Variants in IDE observed in about 807,000 individuals in gnomAD.
IDE encodes the protein insulin-degrading enzyme.
Under a neutral mutation model 133.2 loss-of-function variants are expected in IDE, and 58 were observed. The observed-to-expected ratio is 0.44, with a 90% CI of 0.35 to 0.54. The LOEUF (loss-of-function observed/expected upper bound fraction) is 0.54, where lower values mean the gene tolerates loss of function less well. Among genes scored for constraint, IDE ranks in the 20% least tolerant of loss-of-function variants. IDE has a pLI of 0.00. For synonymous variants in IDE, 396 were observed against 421.3 expected (o/e 0.94, Z 0.73); for missense variants, 981 against 1,234.0 (o/e 0.79, Z 3.07).
intron 1 of IDE, among the ~76,000 whole-genome samples, chr10:92,538,511 G>C (rs1368138450): frequency 6.6e-6 from 1 of 152,242 alleles, no homozygotes; most frequent in African/African-American, 2.4e-5. Flanking sequence ...ACCTGCTGAA[G>C]AGCTGAATGC....
intron 1 of IDE, 124 bp downstream of exon 1, chr10:92,573,798 G>T: frequency 1.5e-6 from 1 of 684,908 alleles, no homozygotes; most frequent in Non-Finnish European, 2.2e-6. Context: ...CCCCAGGCCG[G>T]CGGGACGGGC....
Position 92,501,885 on chromosome 10 carries a change from G to T in IDE, c.1430+2909C>A, listed in dbSNP as rs146356996. 3.0e-3 allele frequency among the ~76,000 whole-genome samples: 457 copies of T among 152,210 alleles called. 7 individuals are homozygous for T. The highest frequency in any genetic ancestry group is 0.011 in the African/African-American group (444 of 41,532). Reference sequence around the variant, plus strand: ...AGCTACTCAGGAGGCTGAGGTAAGAGAATTGCTTGAACCTGGGAGGCGGAG... The same window carrying T: ...AGCTACTCAGGAGGCTGAGGTAAGATAATTGCTTGAACCTGGGAGGCGGAG... On this transcript the variant is annotated intron_variant, in intron 11 of 24. Coordinates refer to ENST00000265986, the MANE Select transcript of IDE (RefSeq NM_004969.4).
At chr10:92,531,062 C>T (rs553995754) in intron 4 of IDE, among the ~76,000 whole-genome samples, 39 of 152,214 alleles carry the variant, frequency 2.6e-4, no homozygotes, top group African/African-American at 9.2e-4. Context: ...CAATGATTAC[C>T]TCTGGTGAGC....
At chr10:92,466,862 C>T (rs1262730314) in intron 19 of IDE, among the ~76,000 whole-genome samples, 1 of 151,890 alleles carries the variant, frequency 6.6e-6, no homozygotes, top group Non-Finnish European at 1.5e-5. Context: ...AGGTGATCCA[C>T]CCACCTCAGC....
At chr10:92,496,819 T>C (rs1219292960) in intron 11 of IDE, among the ~76,000 whole-genome samples, 1 of 152,018 alleles carries the variant, frequency 6.6e-6, no homozygotes, top group Non-Finnish European at 1.5e-5. Flanking sequence ...AGAAATCACA[T>C]CTCCAAACAC....
At chr10:92,535,410 G>T (rs1841945913) in intron 2 of IDE, among the ~76,000 whole-genome samples, 1 of 152,130 alleles carries the variant, frequency 6.6e-6, no homozygotes, top group Non-Finnish European at 1.5e-5. Flanking sequence ...GCAAGAGCTA[G>T]AATTTTCTTG....
chr10:92,518,047 T>C (rs147423981), intron 4 of IDE, among the ~76,000 whole-genome samples: 40 of 152,100 alleles, frequency 2.6e-4, no homozygotes, highest in Middle Eastern at 3.4e-3. Flanking sequence ...CTTAGGTGCA[T>C]ACCCATAGTC....
chr10:92,549,158 T>A (rs1054517629), intron 1 of IDE, among the ~76,000 whole-genome samples: 1 of 151,974 alleles, frequency 6.6e-6, no homozygotes, highest in African/African-American at 2.4e-5. Context: ...CTCGGGAGGC[T>A]GAGGCACAAG....
chr10:92,556,179 CAAAAAAAAAA>C (rs60008680), intron 1 of IDE, among the ~76,000 whole-genome samples: 3 of 69,210 alleles, frequency 4.3e-5, no homozygotes, highest in African/African-American at 1.2e-4. Flanking sequence ...GACTCCGTCT[CAAAAAAAAAA>C]AAAAAAAAAA....
chr10:92,555,604 T>C (rs991721534), intron 1 of IDE, among the ~76,000 whole-genome samples: 2 of 152,148 alleles, frequency 1.3e-5, no homozygotes, highest in African/African-American at 4.8e-5. Context: ...TAAAAACTTT[T>C]CAGTATGAGA....
intron 1 of IDE, among the ~76,000 whole-genome samples, chr10:92,544,733 C>T (rs1842466050): frequency 6.6e-6 from 1 of 152,154 alleles, no homozygotes; most frequent in African/African-American, 2.4e-5. Flanking sequence ...TTTTTCACTC[C>T]TTCTTCTGCA....
At chr10:92,461,153 CAT>C in intron 22 of IDE, 36 bp downstream of exon 22, 1 of 1,006,130 alleles carries the variant, frequency 9.9e-7, no homozygotes, top group South Asian at 1.3e-5. Context: ...ATAATACTTT[CAT>C]ATCAGTCAAA....
At chr10:92,476,036 C>CA in intron 15 of IDE, 42 bp from the exon 16 acceptor site, 1 of 740,718 alleles carries the variant, frequency 1.4e-6, no homozygotes, top group Non-Finnish European at 2.2e-6. Flanking sequence ...AAAAATATCA[C>CA]AAAACAACTT....
At chr10:92,526,028 A>G (rs946485037) in intron 4 of IDE, among the ~76,000 whole-genome samples, 19 of 151,668 alleles carry the variant, frequency 1.3e-4, no homozygotes, top group African/African-American at 4.4e-4. Context: ...TTGTGGTGCA[A>G]GCCTGTAATC....
chr10:92,520,200 T>C (rs1849147251), intron 4 of IDE, among the ~76,000 whole-genome samples: 1 of 152,144 alleles, frequency 6.6e-6, no homozygotes, highest in South Asian at 2.1e-4. Flanking sequence ...GCCTAAGAAA[T>C]GTAATAATGG....
intron 1 of IDE, among the ~76,000 whole-genome samples, chr10:92,539,880 G>C (rs1022725839): frequency 7.9e-5 from 12 of 152,238 alleles, no homozygotes; most frequent in Admixed American, 5.2e-4. Flanking sequence ...CGGTAAAATA[G>C]TAATAATTCT....
At chr10:92,511,221 C>T (rs547845115) in intron 5 of IDE, among the ~76,000 whole-genome samples, 4 of 151,732 alleles carry the variant, frequency 2.6e-5, no homozygotes, top group African/African-American at 9.7e-5. Context: ...CATGTCTCAG[C>T]CTCCCCAGTA....
chr10:92,537,200 T>G (rs568555612), intron 2 of IDE, among the ~76,000 whole-genome samples, 166 bp downstream of exon 2: 1 of 152,174 alleles, frequency 6.6e-6, no homozygotes, highest in Non-Finnish European at 1.5e-5. Context: ...ATTATTTGAC[T>G]GAAACAACTG....
At chr10:92,463,178 C>T (rs1218469575) in intron 21 of IDE, among the ~76,000 whole-genome samples, 1 of 152,240 alleles carries the variant, frequency 6.6e-6, no homozygotes, top group African/African-American at 2.4e-5. Flanking sequence ...CATCCTCTGA[C>T]TTCTAGTACA....
Sources: allele counts gnomAD v4.1 joint callset (sites outside exome capture counted in the v4.1 genomes callset), GRCh38; gene constraint gnomAD v4.1.1; transcripts MANE v1.5; gene names NCBI Gene and HGNC (gene_info 2026-07-23, HGNC 2026-07-21).